Variants in ITPR2 observed in about 807,000 individuals in gnomAD.
ITPR2 encodes inositol 1,4,5-trisphosphate receptor type 2, also known as inositol 1,4,5-trisphosphate-gated calcium channel ITPR2.
In ITPR2, 207 loss-of-function variants were observed where a neutral mutation model predicts 317.1. That is an observed-to-expected ratio of 0.65 (90% CI 0.58 to 0.73). The LOEUF (loss-of-function observed/expected upper bound fraction) is 0.73. Ranked by LOEUF, ITPR2 falls within the 30% of genes least tolerant of loss-of-function variation. The probability of loss-of-function intolerance (pLI) is 0.00; values close to 1 mark genes in which losing one functional copy is unlikely to be tolerated. For synonymous variants in ITPR2, 1,156 were observed against 1,149.1 expected (o/e 1.01, Z -0.12); for missense variants, 2,613 against 3,284.0 (o/e 0.80, Z 4.99).
At chr12:26,441,026 A>T (rs12307835) in intron 46 of ITPR2, among the ~76,000 whole-genome samples, 42,560 of 152,106 alleles carry the variant, frequency 0.28, 6,715 homozygotes, top group African/African-American at 0.43. Context: ...GAACCCCAAC[A>T]GGTAAGAGCT....
intron 26 of ITPR2, among the ~76,000 whole-genome samples, chr12:26,620,258 G>A (rs1005212954): frequency 2.0e-5 from 3 of 152,242 alleles, no homozygotes; most frequent in African/African-American, 7.2e-5. Flanking sequence ...AGTGTGCAAT[G>A]AAGCCCACGT....
chr12:26,783,268 C>T (rs1950127896), intron 2 of ITPR2, among the ~76,000 whole-genome samples: 1 of 152,208 alleles, frequency 6.6e-6, no homozygotes, highest in Non-Finnish European at 1.5e-5. Context: ...CCATGGTAGG[C>T]ATGGTACATT....
chr12:26,724,575 T>A (rs1948888525), intron 4 of ITPR2, 81 bp downstream of exon 4: 1 of 805,738 alleles, frequency 1.2e-6, no homozygotes, highest in Non-Finnish European at 2.1e-6. Flanking sequence ...ATCTCAAAAT[T>A]TTAACGCAGT....
chr12:26,474,040 C>G (rs1236813572), intron 45 of ITPR2, among the ~76,000 whole-genome samples: 8 of 152,168 alleles, frequency 5.3e-5, no homozygotes, highest in Admixed American at 4.6e-4. Flanking sequence ...TTGTTAGTAT[C>G]TTTTAGAATC....
chr12:26,586,397 C>CA (rs1945529889), intron 32 of ITPR2, among the ~76,000 whole-genome samples: 1 of 152,198 alleles, frequency 6.6e-6, no homozygotes, highest in Non-Finnish European at 1.5e-5. Flanking sequence ...CTGGGCCTCC[C>CA]AAAACACTGG....
intron 54 of ITPR2, among the ~76,000 whole-genome samples, chr12:26,397,909 G>C (rs765100067): frequency 1.3e-5 from 2 of 152,060 alleles, no homozygotes; most frequent in Non-Finnish European, 2.9e-5. Flanking sequence ...AGGGTGCCGA[G>C]AGACCAGCTA....
At chr12:26,351,646 C>A (rs1339316353) in intron 55 of ITPR2, among the ~76,000 whole-genome samples, 1 of 152,024 alleles carries the variant, frequency 6.6e-6, no homozygotes, top group Non-Finnish European at 1.5e-5. Context: ...CACGGTGAGA[C>A]CCTGTCTCAA....
At chr12:26,355,814 C>G (rs1938621373) in intron 55 of ITPR2, among the ~76,000 whole-genome samples, 1 of 152,192 alleles carries the variant, frequency 6.6e-6, no homozygotes, top group Admixed American at 6.5e-5. Flanking sequence ...GGGGCACACT[C>G]AGGTTAAAGA....
chr12:26,602,600 AT>A lies in ITPR2; in HGVS notation c.3552+16del. On this transcript the variant is annotated intron_variant, in intron 27 of 56. Transcript: ENST00000381340. Reference sequence around the variant, plus strand: ...TGCAAATATAAACCTATATAAGAATATTTTGTATCTGCCGACCTCCTTTACA... The same window carrying A: ...TGCAAATATAAACCTATATAAGAATATTTGTATCTGCCGACCTCCTTTACA... 6.3e-7 allele frequency: 1 copy of A among 1,593,438 alleles called. No individual in the cohort carries two copies. The highest frequency in any genetic ancestry group is 2.2e-5 in the East Asian group (1 of 44,718).
chr12:26,795,600 A>G (rs7971190), intron 1 of ITPR2, among the ~76,000 whole-genome samples: 72,980 of 151,150 alleles, frequency 0.48, 19,071 homozygotes, highest in East Asian at 0.92. Context: ...ATTAAAAGTA[A>G]GACTTCCATC....
intron 2 of ITPR2, among the ~76,000 whole-genome samples, chr12:26,774,132 T>G (rs1949917989): frequency 6.6e-6 from 1 of 152,076 alleles, no homozygotes. Context: ...GTTTTTGTCT[T>G]CTGTTATTTA....
intron 2 of ITPR2, among the ~76,000 whole-genome samples, chr12:26,774,957 G>A (rs1949932697): frequency 6.6e-6 from 1 of 152,180 alleles, no homozygotes; most frequent in Non-Finnish European, 1.5e-5. Flanking sequence ...TGTTCTGCAT[G>A]GTTTCCCAGT....
At chr12:26,622,536 T>A (rs975058595) in intron 24 of ITPR2, 131 bp from the exon 25 acceptor site, 1 of 648,458 alleles carries the variant, frequency 1.5e-6, no homozygotes, top group Non-Finnish European at 2.4e-6. Flanking sequence ...CAGGAAAACA[T>A]TTTCTTTGTT....
chr12:26,557,566 A>G (rs1456096896), intron 35 of ITPR2, among the ~76,000 whole-genome samples: 2 of 152,194 alleles, frequency 1.3e-5, no homozygotes, highest in African/African-American at 4.8e-5. Context: ...AATCTGAGAC[A>G]GCCCTCGTGT....
intron 49 of ITPR2, among the ~76,000 whole-genome samples, chr12:26,423,232 T>A (rs150780363): frequency 7.0e-4 from 106 of 152,276 alleles, no homozygotes; most frequent in African/African-American, 2.3e-3. Flanking sequence ...ATGAAAGTTG[T>A]TTACTCCAAA....
chr12:26,661,707 C>T (rs1947508018), intron 15 of ITPR2, among the ~76,000 whole-genome samples: 1 of 152,082 alleles, frequency 6.6e-6, no homozygotes, highest in Admixed American at 6.5e-5. Flanking sequence ...GGTGACCAGT[C>T]TCACAAGTGT....
At chr12:26,488,899 C>T (rs957258489) in intron 39 of ITPR2, among the ~76,000 whole-genome samples, 1 of 152,056 alleles carries the variant, frequency 6.6e-6, no homozygotes, top group Non-Finnish European at 1.5e-5. Context: ...CTCTTAGTTC[C>T]ATTTTATAGA....
At chr12:26,825,588 A>G (rs546955586) in intron 1 of ITPR2, among the ~76,000 whole-genome samples, 40 of 152,326 alleles carry the variant, frequency 2.6e-4, no homozygotes, top group African/African-American at 9.4e-4. Context: ...CCTAGAATAA[A>G]GCCAAGCAGT....
intron 37 of ITPR2, among the ~76,000 whole-genome samples, chr12:26,545,880 A>G (rs571774999): frequency 1.3e-5 from 2 of 152,240 alleles, no homozygotes; most frequent in Admixed American, 1.3e-4. Context: ...CTCATTCCCA[A>G]ACTGGTTGTT....
Sources: gnomAD v4.1 joint callset for allele counts (sites outside exome capture counted in the v4.1 genomes callset) on GRCh38, gnomAD v4.1.1 for gene constraint, MANE v1.5 for transcripts, NCBI Gene and HGNC (gene_info 2026-07-23, HGNC 2026-07-21) for gene names.